MYBPC2: variants seen among roughly 807,000 people sequenced by gnomAD.
MYBPC2 encodes the protein myosin-binding protein C, fast-type.
MYBPC2 carries 122 observed loss-of-function variants against 137.0 expected under a neutral mutation model. The ratio of observed to expected loss-of-function variants is 0.89; its 90% CI spans 0.77 to 1.03. The LOEUF (loss-of-function observed/expected upper bound fraction) is 1.03. MYBPC2 is among the 50% of genes least tolerant of loss of function. MYBPC2 has a pLI of 0.00. For missense variants in MYBPC2, 1,500 were observed against 1,534.4 expected (o/e 0.98, Z 0.37); for synonymous variants, 626 against 612.3 (o/e 1.02, Z -0.33).
chr19:50,451,143 TG>T, intron 14 of MYBPC2, 136 bp from the exon 15 acceptor site: 1 of 1,145,514 alleles, frequency 8.7e-7, no homozygotes, highest in Non-Finnish European at 1.3e-6. Context: ...GGGTGGCTCC[TG>T]GGCCTGAACC....
intron 23 of MYBPC2, 140 bp from the exon 24 acceptor site, chr19:50,459,899 TG>T: frequency 8.6e-7 from 1 of 1,162,472 alleles, no homozygotes; most frequent in Non-Finnish European, 1.2e-6. Context: ...GAGACTGGGA[TG>T]GGGGAGGCCA....
At chr19:50,442,601 T>C (rs963962449) in intron 9 of MYBPC2, among the ~76,000 whole-genome samples, 1 of 151,732 alleles carries the variant, frequency 6.6e-6, no homozygotes, top group African/African-American at 2.4e-5. Context: ...CTGTAGTGCC[T>C]GTAATCCCAG....
Position 50,461,626 on chromosome 19 carries a change from G to A in MYBPC2, c.3016G>A (p.Val1006Ile), listed in dbSNP as rs200308610. 3 of 1,613,496 alleles carry A rather than the reference G, an allele frequency of 1.9e-6. No homozygotes were observed. In the African/African-American group the frequency reaches 4.0e-5, roughly 22 times the overall value. Reference sequence around the variant, plus strand: ...CGTGGGCAATGAATACTATTTCCGAGTTTACACCGAGAACATCTGTGGGCT... The same window carrying A: ...CGTGGGCAATGAATACTATTTCCGAATTTACACCGAGAACATCTGTGGGCT... ...LIVGNEYYFR[V>I]YTENICGLSD... The change falls in exon 25 of 28, where the codon GTT becomes ATT. Residue 1006 changes from valine to isoleucine, a missense_variant. By Grantham distance (29) the Val-to-Ile change is conservative. Coordinates refer to ENST00000357701, the MANE Select transcript of MYBPC2 (RefSeq NM_004533.4).
chr19:50,438,671 G>T (rs1047326193), intron 7 of MYBPC2, among the ~76,000 whole-genome samples: 1 of 151,980 alleles, frequency 6.6e-6, no homozygotes, highest in Non-Finnish European at 1.5e-5. Flanking sequence ...TGTAAGACCA[G>T]CCTGGGCCAC....
chr19:50,450,035 T>G (rs957947835), intron 13 of MYBPC2, among the ~76,000 whole-genome samples: 4 of 151,974 alleles, frequency 2.6e-5, no homozygotes, highest in African/African-American at 9.7e-5. Context: ...TACACGCCCA[T>G]AGTCCCAGCT....
At chr19:50,454,548 C>T (rs1322723539) in intron 18 of MYBPC2, among the ~76,000 whole-genome samples, 179 bp downstream of exon 18, 3 of 151,472 alleles carry the variant, frequency 2.0e-5, no homozygotes, top group East Asian at 1.9e-4. Context: ...GCCTCAGCCT[C>T]GCAAGTAACT....
intron 16 of MYBPC2, among the ~76,000 whole-genome samples, chr19:50,452,954 C>T (rs1365906087): frequency 2.0e-5 from 3 of 152,100 alleles, no homozygotes; most frequent in Non-Finnish European, 4.4e-5. Context: ...CTTCTCTGTG[C>T]TTCCATTTCC....
rs776391611 is a variant in MYBPC2 at position 50,464,449 on chromosome 19, C to G, written c.3332C>G (p.Ser1111Trp). 1 of 1,611,850 alleles carries G rather than the reference C, an allele frequency of 6.2e-7. No homozygotes were observed. Among genetic ancestry groups the G allele is most frequent in the Admixed American group, 1.7e-5 (1 of 59,680 alleles). Residue 1111 changes from serine to tryptophan, a missense_variant, in exon 27 of 28, where the codon TCG (serine) becomes TGG (tryptophan). Coordinates refer to ENST00000357701, the MANE Select transcript of MYBPC2 (RefSeq NM_004533.4). ...GVLTLNIRRP[S>W]PFDAGTYTCR... The stretch of plus-strand genomic sequence containing the variant: ...CTGACGCTGAACATCCGTCGCCCCT[C>G]GCCCTTCGACGCTGGGACTTACACC...
intron 8 of MYBPC2, 23 bp downstream of exon 8, chr19:50,441,099 C>T (rs1313689059): frequency 6.4e-7 from 1 of 1,558,380 alleles, no homozygotes; most frequent in Non-Finnish European, 8.7e-7. Context: ...CTGGGGGGAG[C>T]TGGGCCCTGC....
chr19:50,435,979 CT>C lies in MYBPC2; in HGVS notation c.197-32del. ...AGCCTTATGTTCCTTCCTGGGCCTC[CT>C]CCCACTCTACCCTGTCACTCACCCC... On this transcript the variant is annotated intron_variant, in intron 3 of 27. Transcript: ENST00000357701. This position sits in a 1 kb window ranked among gnomAD's most constrained non-coding sequence, Gnocchi z 4.8. 1 of 1,560,584 alleles carries C rather than the reference CT, an allele frequency of 6.4e-7. No individual in the cohort carries two copies. Among genetic ancestry groups the C allele is most frequent in the African/African-American group, 1.4e-5 (1 of 73,570 alleles).
At chr19:50,446,891 G>A (rs1332763386) in intron 12 of MYBPC2, among the ~76,000 whole-genome samples, 1 of 151,596 alleles carries the variant, frequency 6.6e-6, no homozygotes, top group Admixed American at 6.6e-5. Context: ...GGAGTCTGAG[G>A]CAGGCGAATT....
At position 50,441,208 on chromosome 19, in the gene MYBPC2, G is replaced by T. The variant is rs191036755; in HGVS notation, c.769+132G>T. 33 of 975,074 alleles carry T rather than the reference G, an allele frequency of 3.4e-5. No individual in the cohort carries two copies. In the East Asian group the frequency reaches 9.0e-4, roughly 27 times the overall value. 60.4% of individuals were successfully genotyped at this position (975,074 alleles called of 1,614,324 possible). A position where few individuals can be genotyped will look rare whatever the true frequency, so the allele number is the denominator to read the frequency against. On this transcript the variant is annotated intron_variant, in intron 8 of 27. Transcript: ENST00000357701. ...GTAGGAGGCAAGACCCAACTCTAGC[G>T]GTGGGCCTCGGACACCAGACCAAAT...
chr19:50,433,583 A>G (rs967553552), intron 1 of MYBPC2, among the ~76,000 whole-genome samples: 2 of 151,734 alleles, frequency 1.3e-5, no homozygotes, highest in African/African-American at 4.8e-5. Context: ...TTTAATAGAG[A>G]CGGGTTTCGC....
In MYBPC2 at chr19:50,459,307, G is replaced by A; in HGVS notation, c.2791+1G>A. On this transcript the variant is annotated splice_donor_variant, in intron 23 of 27. Coordinates refer to ENST00000357701, the MANE Select transcript of MYBPC2 (RefSeq NM_004533.4). LOFTEE classifies it high-confidence loss of function. Reference sequence around the variant, plus strand: ...GCCACCATCCGCATCCGCGTTGTGGGTGCGCGCGCTGGGGAGGGCCCCTGG... The same window carrying A: ...GCCACCATCCGCATCCGCGTTGTGGATGCGCGCGCTGGGGAGGGCCCCTGG... The A allele has an allele frequency of 6.3e-7, 1 of 1,596,924 alleles. No homozygotes were observed. The highest frequency in any genetic ancestry group is 8.5e-7 in the Non-Finnish European group (1 of 1,171,178).
intron 26 of MYBPC2, among the ~76,000 whole-genome samples, chr19:50,464,042 C>G (rs1403261679): frequency 6.6e-6 from 1 of 151,898 alleles, no homozygotes; most frequent in African/African-American, 2.4e-5. Context: ...AGTGAGGTAG[C>G]CTGTTTGGCT....
intron 11 of MYBPC2, among the ~76,000 whole-genome samples, chr19:50,445,196 G>A (rs2039792769): frequency 6.6e-6 from 1 of 151,934 alleles, no homozygotes; most frequent in African/African-American, 2.4e-5. Flanking sequence ...GAAGAGAGAA[G>A]GGGAGAGTGC....
At chr19:50,461,460 C>G in intron 24 of MYBPC2, 82 bp from the exon 25 acceptor site, 17 of 1,406,304 alleles carry the variant, frequency 1.2e-5, no homozygotes, top group Non-Finnish European at 1.7e-5. Flanking sequence ...CTTTTCTCAC[C>G]CCTTCTTTCG....
chr19:50,440,797 C>A, intron 7 of MYBPC2, 83 bp from the exon 8 acceptor site: 1 of 1,414,188 alleles, frequency 7.1e-7, no homozygotes, highest in Non-Finnish European at 9.5e-7. Context: ...GGGTGAGTCA[C>A]AGAGCCAATG....
rs575573877 is a variant in MYBPC2, at chr19:50,461,634, C to T, written c.3024C>T (p.Thr1008=). 1.5e-5 allele frequency: 24 copies of T among 1,613,604 alleles called. No homozygotes were observed. Among genetic ancestry groups the T allele is most frequent in the African/African-American group, 1.3e-4 (10 of 74,934 alleles). ...VGNEYYFRVY[T]ENICGLSDSP... is the part of the protein sequence containing the mutation. Reference sequence around the variant, plus strand: ...ATGAATACTATTTCCGAGTTTACACCGAGAACATCTGTGGGCTCAGTGACT... The same window carrying T: ...ATGAATACTATTTCCGAGTTTACACTGAGAACATCTGTGGGCTCAGTGACT... The change falls in exon 25 of 28, where the codon ACC becomes ACT. Residue 1008 remains threonine, a synonymous_variant. Coordinates refer to ENST00000357701, the MANE Select transcript of MYBPC2 (RefSeq NM_004533.4).
Sources: allele counts gnomAD v4.1 joint callset (sites outside exome capture counted in the v4.1 genomes callset), GRCh38; gene constraint gnomAD v4.1.1; non-coding constraint Gnocchi (gnomAD v3.1); transcripts MANE v1.5; gene names NCBI Gene and HGNC (gene_info 2026-07-23, HGNC 2026-07-21).